STOML1: variants seen among roughly 807,000 people sequenced by gnomAD.
The protein encoded by STOML1 is stomatin like 1, also known as stomatin-like protein 1.
A neutral mutation model predicts 35.7 loss-of-function variants in STOML1; 27 were observed. That is an observed-to-expected ratio of 0.76 (90% CI 0.56 to 1.04). STOML1 has a LOEUF of 1.04. Among genes scored for constraint, STOML1 ranks in the 50% least tolerant of loss-of-function variants. The pLI is 0.00. For synonymous variants in STOML1, 219 were observed against 227.9 expected, an observed-to-expected ratio of 0.96 and a Z score of 0.35; for missense variants, 451 against 527.1, an observed-to-expected ratio of 0.86 and a Z score of 1.41.
intron 1 of STOML1, 37 bp from the exon 2 acceptor site, chr15:73,990,494 A>G (rs993419629): frequency 2.6e-6 from 4 of 1,549,996 alleles, no homozygotes; most frequent in Non-Finnish European, 3.5e-6. Context: ...CTGGACCTGC[A>G]CGACAGCTGC....
Position 73,992,210 on chromosome 15 carries a change from G to T in STOML1, c.14C>A (p.Ser5Tyr). 6.2e-7 allele frequency: 1 copy of T among 1,603,180 alleles called. No individual in the cohort carries two copies. The highest frequency in any genetic ancestry group is 8.5e-7 in the Non-Finnish European group (1 of 1,176,082). MLGRSGYRALPLGDF... is the reference protein window; with the variant it reads MLGRYGYRALPLGDF... Reference sequence around the variant, plus strand: ...ACCCAGGGGCAGCGCCCGGTACCCAGACCTGCCGAGCATGGCTTTTGACAG... The same window carrying T: ...ACCCAGGGGCAGCGCCCGGTACCCATACCTGCCGAGCATGGCTTTTGACAG... Residue 5 changes from serine (S) to tyrosine (Y), a missense_variant, in exon 1 of 7, where the codon TCT (serine) becomes TAT (tyrosine). Coordinates refer to ENST00000541638, the MANE Select transcript of STOML1 (RefSeq NM_004809.5).
intron 1 of STOML1, 130 bp from the exon 2 acceptor site, chr15:73,990,587 G>T: frequency 7.3e-6 from 7 of 955,180 alleles, no homozygotes; most frequent in Non-Finnish European, 1.1e-5. Context: ...TCTCAATCTG[G>T]CTCCTTGCCT....
At chr15:73,991,450 C>T (rs2069272510) in intron 1 of STOML1, among the ~76,000 whole-genome samples, 1 of 152,264 alleles carries the variant, frequency 6.6e-6, no homozygotes, top group Non-Finnish European at 1.5e-5. Flanking sequence ...TCCACCAGGC[C>T]TCTCAAGAGA....
At position 73,992,266 on chromosome 15, in the gene STOML1, C is replaced by T. The variant is rs1458577006; in HGVS notation, c.-43G>A. On this transcript the variant is annotated 5_prime_UTR_variant, in exon 1 of 7. Transcript: ENST00000541638. ...ACGCCCCGCGCCTCCGCGCGGCGCCCTCCCTGGCCAGTGGGCCCTACGCGG... is the reference window on the plus strand; with the variant it reads ...ACGCCCCGCGCCTCCGCGCGGCGCCTTCCCTGGCCAGTGGGCCCTACGCGG... 1.3e-6 allele frequency: 2 copies of T among 1,564,676 alleles called. No homozygotes were observed. The highest frequency in any genetic ancestry group is 2.0e-5 in the Admixed American group (1 of 50,904).
At chr15:73,991,820 G>C (rs983601311) in intron 1 of STOML1, 16 of 605,026 alleles carry the variant, frequency 2.6e-5, no homozygotes, top group Non-Finnish European at 4.1e-5. Context: ...GGGCTGATAA[G>C]AGCCGAGGAC....
At chr15:73,991,947 C>A (rs1303990213) in intron 1 of STOML1, 144 bp downstream of exon 1, 11 of 1,282,958 alleles carry the variant, frequency 8.6e-6, no homozygotes, top group Non-Finnish European at 9.4e-6. Context: ...GGGTCCAGCC[C>A]CCTCTCCACA....
In STOML1 at chr15:73,988,492, T is replaced by C; in HGVS notation, c.594+107A>G. ...AAGGTGGTTACACTATTGGGACATA[T>C]GGTAAACTGAGGCCCAGAGTGGTCT... On this transcript the variant is annotated intron_variant, in intron 4 of 6. Coordinates refer to ENST00000541638, the MANE Select transcript of STOML1 (RefSeq NM_004809.5). The surrounding 1 kb of genome is among the most constrained non-coding windows in gnomAD (Gnocchi z 4.8). The C allele has an allele frequency of 7.5e-7, 1 of 1,331,956 alleles. No homozygotes were observed. Among genetic ancestry groups the C allele is most frequent in the South Asian group, 1.4e-5 (1 of 72,568 alleles). 82.5% of individuals were successfully genotyped at this position (1,331,956 alleles called of 1,614,324 possible). A position where few individuals can be genotyped will look rare whatever the true frequency, so the allele number is the denominator to read the frequency against.
At chr15:73,991,066 C>A (rs2069259251) in intron 1 of STOML1, 1 of 1,299,032 alleles carries the variant, frequency 7.7e-7, no homozygotes, top group Non-Finnish European at 9.9e-7. Flanking sequence ...GCCTATTTCA[C>A]GAGATGGCGC....
At chr15:73,984,417 G>A (rs2069020461) in intron 6 of STOML1, among the ~76,000 whole-genome samples, 1 of 152,250 alleles carries the variant, frequency 6.6e-6, no homozygotes, top group African/African-American at 2.4e-5. Flanking sequence ...AGCCTGACAG[G>A]CAGCAGGCCT....
In STOML1 at chr15:73,984,627, A is replaced by G. The variant is rs202219299; in HGVS notation, c.1003+32T>C. On this transcript the variant is annotated intron_variant, in intron 6 of 6. Coordinates refer to ENST00000541638, the MANE Select transcript of STOML1 (RefSeq NM_004809.5). ...GGTAACAAGAAACCTAGCAAGCTGG[A>G]TGGGAAGGAGAGGCAAGGAGGGCAG... 3.5e-3 allele frequency: 5,669 copies of G among 1,608,600 alleles called. 17 individuals are homozygous for G. Among genetic ancestry groups the G allele is most frequent in the Non-Finnish European group, 4.4e-3 (5,199 of 1,175,760 alleles).
chr15:73,993,345 TATCTTCCA>T, upstream of STOML1, among the ~76,000 whole-genome samples: 1 of 152,352 alleles, frequency 6.6e-6, no homozygotes, highest in Non-Finnish European at 1.5e-5. Context: ...GGGAGCAGGC[TATCTTCCA>T]AAGCAAGCAA....
Position 73,988,412 on chromosome 15 carries a change from C to A in STOML1, c.594+187G>T. ...CAAGTTTGCCCAGGATCGTTATGGT[C>A]TACGCCCACCTGCCATTCCTCAACT... On this transcript the variant is annotated intron_variant, in intron 4 of 6. Transcript: ENST00000541638. The surrounding 1 kb of genome is among the most constrained non-coding windows in gnomAD (Gnocchi z 4.8). 3 of 687,368 alleles carry A rather than the reference C, an allele frequency of 4.4e-6. No individual in the cohort carries two copies. Among genetic ancestry groups the A allele is most frequent in the Non-Finnish European group, 7.2e-6 (3 of 418,038 alleles). The allele number at this position is 687,368 out of a possible 1,614,324, so 42.6% of individuals were successfully genotyped here.
rs905876501 is a variant in STOML1, at chr15:73,981,000, T to G, written c.*2937A>C. 6.6e-6 allele frequency: 1 copy of G among 152,078 alleles called. No individual in the cohort carries two copies. The highest frequency in any genetic ancestry group is 1.5e-5 in the Non-Finnish European group (1 of 68,030). 9.4% of individuals were successfully genotyped at this position (152,078 alleles called of 1,614,324 possible). A position where few individuals can be genotyped will look rare whatever the true frequency, so the allele number is the denominator to read the frequency against. On this transcript the variant is annotated 3_prime_UTR_variant, in exon 7 of 7. Transcript: ENST00000541638. ...AGTTCAAGGCTACAGTGAGCTATGA[T>G]CATGCCACTGCACTCCAGCCTGGGT... is the stretch of plus-strand genomic sequence containing the variant.
In STOML1 at chr15:73,983,863, A is replaced by G. The variant is rs772406025; in HGVS notation, c.*74T>C. 1.1e-5 allele frequency: 17 copies of G among 1,498,488 alleles called. No individual in the cohort carries two copies. The highest frequency in any genetic ancestry group is 1.4e-5 in the Non-Finnish European group (16 of 1,112,762). 92.8% of individuals were successfully genotyped at this position (1,498,488 alleles called of 1,614,324 possible). On this transcript the variant is annotated 3_prime_UTR_variant, in exon 7 of 7. Coordinates refer to ENST00000541638, the MANE Select transcript of STOML1 (RefSeq NM_004809.5). ...TCAACTCTCTGTGGTGCAGATGAACACCTCCTCCTCCAAGAGGCCCCTCAG... is the reference window on the plus strand; with the variant it reads ...TCAACTCTCTGTGGTGCAGATGAACGCCTCCTCCTCCAAGAGGCCCCTCAG...
chr15:73,992,392 G>T (rs1288984833), upstream of STOML1: 5 of 687,310 alleles, frequency 7.3e-6, no homozygotes, highest in Non-Finnish European at 4.2e-6. Flanking sequence ...TTCCGCCGTC[G>T]CATGGCTCCC....
At position 73,985,333 on chromosome 15, in the gene STOML1, G is replaced by T; in HGVS notation, c.775C>A (p.Pro259Thr). 6.5e-7 allele frequency: 1 copy of T among 1,539,000 alleles called. No individual in the cohort carries two copies. The highest frequency in any genetic ancestry group is 1.3e-5 in the South Asian group (1 of 79,026). The change falls in exon 5 of 7, where the codon CCG (proline) becomes ACG (threonine). Residue 259 changes from proline to threonine, a missense_variant. By Grantham distance (38) the Pro-to-Thr change is conservative. Transcript: ENST00000541638. ...GGCTCCTCACCTGGCCCCGGGGACG[G>T]GGCACCTCCTGCCATTGAGTTCATG... ...GSMNSMAGGA[P>T]SPGPADTVEM...
chr15:73,990,532 C>A, intron 1 of STOML1, 75 bp from the exon 2 acceptor site: 1 of 1,368,566 alleles, frequency 7.3e-7, no homozygotes, highest in African/African-American at 1.4e-5. Context: ...GGCAAGTGTA[C>A]CTTACGCCCA....
Position 73,992,134 on chromosome 15 carries a change from CT to C in STOML1, c.89del (p.Lys30ArgfsTer50). On this transcript the variant is annotated frameshift_variant, in exon 1 of 7. Transcript: ENST00000541638. LOFTEE classifies it high-confidence loss of function. ...QSSFGFLGSQ[K>X]GCLSPERGGV... ...CGCCCCGCTCCGGGGACAAGCAGCC[CT>C]TCTGCGAGCCCAGAAAGCCGAAGCT... The C allele has an allele frequency of 6.2e-7, 1 of 1,607,388 alleles. No homozygotes were observed. The highest frequency in any genetic ancestry group is 8.5e-7 in the Non-Finnish European group (1 of 1,177,672).
upstream of STOML1, chr15:73,992,395 T>C: frequency 1.5e-6 from 1 of 647,588 alleles, no homozygotes; most frequent in Non-Finnish European, 2.3e-6. Context: ...CGCCGTCGCA[T>C]GGCTCCCCCT....
Sources: gnomAD v4.1 joint callset for allele counts (sites outside exome capture counted in the v4.1 genomes callset) on GRCh38, gnomAD v4.1.1 for gene constraint, Gnocchi (gnomAD v3.1) non-coding constraint, MANE v1.5 for transcripts, NCBI Gene and HGNC (gene_info 2026-07-23, HGNC 2026-07-21) for gene names.